The following NEK6 variants were observed in gnomAD, a reference collection of about 807,000 sequenced individuals.
NEK6 encodes NIMA related kinase 6.
A neutral mutation model predicts 43.5 loss-of-function variants in NEK6; 27 were observed. The observed-to-expected ratio is 0.62, with a 90% CI of 0.46 to 0.86. The LOEUF is 0.86. Among genes scored for constraint, NEK6 ranks in the 40% least tolerant of loss-of-function variants. NEK6 has a pLI of 0.00. For synonymous variants in NEK6, 167 were observed against 164.1 expected (o/e 1.02, Z -0.14); for missense variants, 318 against 414.4 (o/e 0.77, Z 2.02).
intron 4 of NEK6, among the ~76,000 whole-genome samples, chr9:124,315,054 A>C (rs916233461): frequency 6.6e-6 from 1 of 152,262 alleles, no homozygotes; most frequent in African/African-American, 2.4e-5. Flanking sequence ...GCAGAATTTC[A>C]GATTAGCAGT....
At chr9:124,341,968 G>A (rs1829657882) in intron 8 of NEK6, among the ~76,000 whole-genome samples, 1 of 152,196 alleles carries the variant, frequency 6.6e-6, no homozygotes. Context: ...GGTGTGGAGA[G>A]TTGTTGAGTG....
At chr9:124,287,841 G>A (rs542279985) in intron 1 of NEK6, among the ~76,000 whole-genome samples, 25 of 152,002 alleles carry the variant, frequency 1.6e-4, no homozygotes, top group Admixed American at 4.6e-4. Context: ...AAAAAAAACC[G>A]CCCAGAAGAA....
At chr9:124,282,189 G>A (rs56014570) in intron 1 of NEK6, among the ~76,000 whole-genome samples, 22,127 of 152,232 alleles carry the variant, frequency 0.15, 1,675 homozygotes, top group Non-Finnish European at 0.17. Flanking sequence ...CTCAGTTCCC[G>A]TGGAGGCTCT....
At chr9:124,261,396 T>C in intron 1 of NEK6, 1 of 984,906 alleles carries the variant, frequency 1.0e-6, no homozygotes, top group Non-Finnish European at 1.2e-6. Flanking sequence ...AGCAAGGGAG[T>C]TGGAGGGTGG....
chr9:124,295,768 G>T (rs1219482722), intron 1 of NEK6, among the ~76,000 whole-genome samples: 1 of 152,226 alleles, frequency 6.6e-6, no homozygotes, highest in African/African-American at 2.4e-5. Context: ...CAGCCAGTGT[G>T]CCTGGGCGTG....
At chr9:124,273,513 G>A (rs555608928) in intron 1 of NEK6, among the ~76,000 whole-genome samples, 9 of 152,296 alleles carry the variant, frequency 5.9e-5, no homozygotes, top group African/African-American at 1.4e-4. Context: ...AGAGGGGCCC[G>A]TATCCACCCT....
intron 1 of NEK6, among the ~76,000 whole-genome samples, chr9:124,263,402 C>T (rs903696614): frequency 3.3e-5 from 5 of 152,214 alleles, no homozygotes; most frequent in Admixed American, 3.3e-4. Context: ...GGCTGGAGTC[C>T]CAGACCTGCC....
At chr9:124,282,056 C>T (rs928238899) in intron 1 of NEK6, among the ~76,000 whole-genome samples, 3 of 152,274 alleles carry the variant, frequency 2.0e-5, no homozygotes, top group East Asian at 1.9e-4. Flanking sequence ...TGCGGTGGGG[C>T]GTATTGGTTT....
chr9:124,289,615 A>G (rs1490184518), intron 1 of NEK6, among the ~76,000 whole-genome samples: 2 of 152,180 alleles, frequency 1.3e-5, no homozygotes, highest in African/African-American at 2.4e-5. Context: ...CTCAGAAGTG[A>G]TCCAGGGTCC....
chr9:124,339,608 T>C lies in NEK6; in HGVS notation c.660T>C (p.His220=), dbSNP rs1564659468. Residue 220 remains histidine, a synonymous_variant, in exon 8 of 10, where the codon CAT becomes CAC. Transcript: ENST00000320246. The part of the protein sequence containing the change: ...TPYYMSPERI[H]ENGYNFKSDI... ...ACTACATGTCACCGGAGAGGATCCA[T>C]GAGAACGGCTACAACTTCAAGTCCG... 3 of 1,614,108 alleles carry C rather than the reference T, an allele frequency of 1.9e-6. No homozygotes were observed. The highest frequency in any genetic ancestry group is 1.7e-5 in the Admixed American group (1 of 60,022).
intron 1 of NEK6, among the ~76,000 whole-genome samples, chr9:124,296,905 C>T (rs560517417): frequency 6.6e-6 from 1 of 152,348 alleles, no homozygotes; most frequent in East Asian, 1.9e-4. Context: ...ACCTCAGAGC[C>T]AGCCCATTAC....
At position 124,326,042 on chromosome 9, in the gene NEK6, G is replaced by A. The variant is rs1437369082; in HGVS notation, c.406-288G>A. Among the ~76,000 whole-genome samples the A allele has an allele frequency of 6.6e-6, 1 of 152,224 alleles. No homozygotes were observed. Among genetic ancestry groups the A allele is most frequent in the Non-Finnish European group, 1.5e-5 (1 of 68,036 alleles). ...GCCACTTTCAGCATATTTGAGCTGG[G>A]TGTCCATGCAGCAAAGCCATCCGGA... is the stretch of plus-strand genomic sequence containing the variant. On this transcript the variant is annotated intron_variant, in intron 5 of 9. Transcript: ENST00000320246. This position sits in a 1 kb window ranked among gnomAD's most constrained non-coding sequence, Gnocchi z 4.5.
chr9:124,318,567 G>A (rs1203051656), intron 4 of NEK6, among the ~76,000 whole-genome samples: 1 of 152,166 alleles, frequency 6.6e-6, no homozygotes, highest in Non-Finnish European at 1.5e-5. Context: ...TTTCTCTGAT[G>A]ATTAGTGATG....
chr9:124,323,471 CG>C (rs1255657197), intron 5 of NEK6, among the ~76,000 whole-genome samples: 1 of 152,084 alleles, frequency 6.6e-6, no homozygotes, highest in Non-Finnish European at 1.5e-5. Context: ...GACTGGAGGC[CG>C]GGTGGAAGGA....
intron 4 of NEK6, among the ~76,000 whole-genome samples, chr9:124,314,998 C>T (rs1283932415): frequency 6.6e-6 from 1 of 152,256 alleles, no homozygotes; most frequent in African/African-American, 2.4e-5. Context: ...CAGTTTCCAG[C>T]AAAGTGGGAC....
rs773556511 is a variant in NEK6 at position 124,339,673 on chromosome 9, T to G, written c.717+8T>G. Reference sequence around the variant, plus strand: ...GGCTGTCTGCTGTACGAGGTGAGTCTCTGTCCGTGGCTCAGCAGCATTTGG... The same window carrying G: ...GGCTGTCTGCTGTACGAGGTGAGTCGCTGTCCGTGGCTCAGCAGCATTTGG... On this transcript the variant is annotated splice_region_variant and intron_variant, in intron 8 of 9. Transcript: ENST00000320246. The G allele has an allele frequency of 3.7e-6, 6 of 1,600,328 alleles. No individual in the cohort carries two copies. Among genetic ancestry groups the G allele is most frequent in the Non-Finnish European group, 5.1e-6 (6 of 1,167,424 alleles).
intron 1 of NEK6, among the ~76,000 whole-genome samples, chr9:124,277,767 C>T (rs912747036): frequency 3.9e-5 from 6 of 152,222 alleles, no homozygotes; most frequent in Non-Finnish European, 2.9e-5. Context: ...CACGGGAGCG[C>T]GCCCGCAGGC....
intron 1 of NEK6, chr9:124,292,706 C>G (rs544568308): frequency 1.3e-5 from 15 of 1,153,696 alleles, no homozygotes; most frequent in Non-Finnish European, 1.7e-5. Flanking sequence ...GAGTTGGTCT[C>G]GGGGGGCCAG....
At chr9:124,268,175 C>T (rs1831297328) in intron 1 of NEK6, among the ~76,000 whole-genome samples, 1 of 152,206 alleles carries the variant, frequency 6.6e-6, no homozygotes, top group African/African-American at 2.4e-5. Context: ...TTTTCCTACC[C>T]AGTGCAGGTT....
Sources: gnomAD v4.1 joint callset for allele counts (sites outside exome capture counted in the v4.1 genomes callset) on GRCh38, gnomAD v4.1.1 for gene constraint, Gnocchi (gnomAD v3.1) non-coding constraint, MANE v1.5 for transcripts, NCBI Gene and HGNC (gene_info 2026-07-23, HGNC 2026-07-21) for gene names.